The following XKR9 variants were observed in gnomAD, a reference collection of about 807,000 sequenced individuals.
XKR9 encodes the protein XK-related protein 9.
XKR9 carries 32 observed loss-of-function variants against 32.0 expected under a neutral mutation model. The ratio of observed to expected loss-of-function variants is 1.00; its 90% CI spans 0.76 to 1.34. The LOEUF (loss-of-function observed/expected upper bound fraction) is 1.34, where lower values mean the gene tolerates loss of function less well. Ranked by LOEUF, XKR9 falls within the 40% of genes most tolerant of loss-of-function variation. The pLI is 0.00. For synonymous variants in XKR9, 168 were observed against 143.4 expected (o/e 1.17, Z -1.22); for missense variants, 546 against 429.7 (o/e 1.27, Z -2.39).
the XKR9 span, among the ~76,000 whole-genome samples, chr8:71,040,645 C>G: frequency 6.6e-6 from 1 of 152,012 alleles, no homozygotes; most frequent in East Asian, 1.9e-4. Flanking sequence ...TGTTCTGTTT[C>G]ATCATTATTA....
chr8:70,728,892 C>T (rs577339281), intron 4 of XKR9, among the ~76,000 whole-genome samples: 62 of 152,170 alleles, frequency 4.1e-4, no homozygotes, highest in Non-Finnish European at 7.9e-4. Flanking sequence ...CGAGCACAGC[C>T]GTGGGCTTGT....
the XKR9 span, among the ~76,000 whole-genome samples, chr8:70,885,472 C>T: frequency 2.0e-5 from 3 of 152,116 alleles, no homozygotes; most frequent in East Asian, 5.8e-4. Flanking sequence ...CATAGGTATA[C>T]ATGTGCCATG....
chr8:70,950,741 T>C, the XKR9 span, among the ~76,000 whole-genome samples: 42 of 152,286 alleles, frequency 2.8e-4, no homozygotes, highest in African/African-American at 9.6e-4. Flanking sequence ...TGGTGTGATC[T>C]AAGCTCACTG....
chr8:70,685,630 A>G (rs1218892735), intron 3 of XKR9, among the ~76,000 whole-genome samples: 1 of 150,360 alleles, frequency 6.7e-6, no homozygotes, highest in African/African-American at 2.4e-5. Flanking sequence ...AAACTATTGC[A>G]AGGGCAAAAA....
At chr8:70,749,476 G>A (rs1401428965) in intron 2 of XKR9, among the ~76,000 whole-genome samples, 1 of 152,204 alleles carries the variant, frequency 6.6e-6, no homozygotes, top group Non-Finnish European at 1.5e-5. Flanking sequence ...GTTGCTGCCT[G>A]CAGCAGAAGC....
downstream of XKR9, among the ~76,000 whole-genome samples, chr8:70,737,392 T>C (rs1354328062): frequency 1.5e-4 from 23 of 148,664 alleles, no homozygotes; most frequent in African/African-American, 5.4e-4. Flanking sequence ...GTTTTCTAGA[T>C]ATACAATCAT....
chr8:70,851,192 A>G, the XKR9 span, among the ~76,000 whole-genome samples: 2 of 152,206 alleles, frequency 1.3e-5, no homozygotes, highest in African/African-American at 4.8e-5. Flanking sequence ...ATTGCTACAA[A>G]GAGAATAAAA....
chr8:70,688,696 G>A (rs1034082454), intron 3 of XKR9, among the ~76,000 whole-genome samples: 1 of 149,174 alleles, frequency 6.7e-6, no homozygotes, highest in Non-Finnish European at 1.5e-5. Flanking sequence ...GATTACAGAC[G>A]TTAGCCACTG....
intron 4 of XKR9, among the ~76,000 whole-genome samples, chr8:70,728,447 G>A (rs753447739): frequency 1.3e-5 from 2 of 152,148 alleles, no homozygotes. Flanking sequence ...GCATGTTAAA[G>A]GCGTTAGTAT....
At chr8:70,913,425 T>C in the XKR9 span, among the ~76,000 whole-genome samples, 1 of 152,130 alleles carries the variant, frequency 6.6e-6, no homozygotes, top group Non-Finnish European at 1.5e-5. Context: ...ATTATGCTTC[T>C]GATATATAAC....
intron 3 of XKR9, among the ~76,000 whole-genome samples, chr8:70,697,788 A>G (rs1445784858): frequency 1.8e-4 from 28 of 151,938 alleles, no homozygotes; most frequent in African/African-American, 6.8e-4. Context: ...CCTCTGGTAG[A>G]ATTCGGCTGT....
intron 4 of XKR9, among the ~76,000 whole-genome samples, chr8:70,719,485 T>C (rs1806203721): frequency 2.0e-5 from 3 of 152,088 alleles, no homozygotes; most frequent in Admixed American, 2.0e-4. Context: ...TTTTGTATAA[T>C]GTTTAAGGAA....
the XKR9 span, among the ~76,000 whole-genome samples, chr8:71,049,075 T>A: frequency 6.6e-6 from 1 of 152,122 alleles, no homozygotes; most frequent in Non-Finnish European, 1.5e-5. Context: ...AAATATTGAG[T>A]TATTCTTAGT....
the XKR9 span, among the ~76,000 whole-genome samples, chr8:70,857,631 C>T: frequency 2.0e-4 from 30 of 152,264 alleles, no homozygotes; most frequent in Middle Eastern, 3.4e-3. Context: ...AAGCATCATC[C>T]TGATACCAAA....
intron 2 of XKR9, among the ~76,000 whole-genome samples, chr8:70,675,322 G>A (rs867365294): frequency 6.6e-6 from 1 of 152,126 alleles, no homozygotes; most frequent in Non-Finnish European, 1.5e-5. Context: ...GCTACTTGGA[G>A]AGGCTGAGGC....
chr8:71,025,303 T>C, the XKR9 span, among the ~76,000 whole-genome samples: 1 of 152,212 alleles, frequency 6.6e-6, no homozygotes, highest in African/African-American at 2.4e-5. Context: ...CACTGGTGAA[T>C]GCTAACTGCA....
At chr8:71,033,563 G>T in the XKR9 span, among the ~76,000 whole-genome samples, 977 of 152,172 alleles carry the variant, frequency 6.4e-3, 10 homozygotes, top group African/African-American at 0.021. Context: ...TTAGTTGCGG[G>T]GTGTTTGGGT....
the XKR9 span, among the ~76,000 whole-genome samples, chr8:70,849,433 A>G: frequency 6.6e-6 from 1 of 152,222 alleles, no homozygotes; most frequent in Non-Finnish European, 1.5e-5. Context: ...CAAAGACACA[A>G]TGTACCAGAA....
At chr8:70,835,106 A>G in the XKR9 span, among the ~76,000 whole-genome samples, 1 of 152,132 alleles carries the variant, frequency 6.6e-6, no homozygotes, top group Non-Finnish European at 1.5e-5. Context: ...TCTGTCAACC[A>G]CAAGGAGGAG....
Sources: gnomAD v4.1 joint callset for allele counts (sites outside exome capture counted in the v4.1 genomes callset) on GRCh38, gnomAD v4.1.1 for gene constraint, MANE v1.5 for transcripts, NCBI Gene and HGNC (gene_info 2026-07-23, HGNC 2026-07-21) for gene names.